ZFYVE21: variants seen among roughly 807,000 people sequenced by gnomAD.
ZFYVE21 encodes the protein zinc finger FYVE-type containing 21, also known as zinc finger FYVE domain-containing protein 21.
ZFYVE21 carries 21 observed loss-of-function variants against 29.5 expected under a neutral mutation model. The ratio of observed to expected loss-of-function variants is 0.71; its 90% CI spans 0.50 to 1.02. The LOEUF is 1.02. ZFYVE21 is among the 50% of genes least tolerant of loss of function. ZFYVE21 has a pLI of 0.00. For synonymous variants in ZFYVE21, 151 were observed against 133.8 expected (o/e 1.13, Z -0.89); for missense variants, 326 against 335.4 (o/e 0.97, Z 0.22).
chr14:103,732,536 G>T, intron 5 of ZFYVE21, 84 bp from the exon 6 acceptor site: 1 of 1,479,404 alleles, frequency 6.8e-7, no homozygotes, highest in South Asian at 1.4e-5. Context: ...AGGTTAGGAT[G>T]TGCTGGCCAC....
chr14:103,729,447 C>T (rs2083955849), intron 5 of ZFYVE21: 1 of 571,632 alleles, frequency 1.7e-6, no homozygotes, highest in African/African-American at 1.9e-5. Context: ...GCTCTAAATG[C>T]TCTAACGTAT....
chr14:103,733,261 G>T lies in ZFYVE21; in HGVS notation c.*243G>T. The stretch of plus-strand genomic sequence containing the variant: ...TATTGTCAATACTTAATTGGGGGTG[G>T]GAGAGACTGAGCTACACTACTGCTA... On this transcript the variant is annotated 3_prime_UTR_variant, in exon 7 of 7. Transcript: ENST00000311141. 1.9e-6 allele frequency: 1 copy of T among 531,404 alleles called. No individual in the cohort carries two copies. Among genetic ancestry groups the T allele is most frequent in the Non-Finnish European group, 3.3e-6 (1 of 299,960 alleles). 32.9% of individuals were successfully genotyped at this position (531,404 alleles called of 1,614,324 possible).
chr14:103,720,893 G>A (rs1275412634), intron 1 of ZFYVE21, among the ~76,000 whole-genome samples: 1 of 152,178 alleles, frequency 6.6e-6, no homozygotes, highest in African/African-American at 2.4e-5. Context: ...CGCGATCTCG[G>A]CTCACTTCAG....
intron 1 of ZFYVE21, among the ~76,000 whole-genome samples, chr14:103,718,143 G>A (rs1300517659): frequency 6.6e-6 from 1 of 152,216 alleles, no homozygotes; most frequent in Non-Finnish European, 1.5e-5. Flanking sequence ...GGTTTGGAAT[G>A]GGGAGAGGAG....
At chr14:103,727,966 G>C (rs747870460) in intron 3 of ZFYVE21, 52 bp downstream of exon 3, 1 of 1,553,528 alleles carries the variant, frequency 6.4e-7, no homozygotes, top group Non-Finnish European at 8.8e-7. Flanking sequence ...CCGGCTCCTC[G>C]TGTCTGTGGC....
At chr14:103,721,197 A>G (rs527376155) in intron 1 of ZFYVE21, among the ~76,000 whole-genome samples, 1 of 151,954 alleles carries the variant, frequency 6.6e-6, no homozygotes, top group African/African-American at 2.4e-5. Flanking sequence ...ATCTGCCTTG[A>G]CCGCCTCCGA....
chr14:103,715,862 G>A lies in ZFYVE21; in HGVS notation c.21G>A (p.Ala7=). The A allele has an allele frequency of 7.0e-7, 1 of 1,425,252 alleles. No individual in the cohort carries two copies. The highest frequency in any genetic ancestry group is 9.2e-7 in the Non-Finnish European group (1 of 1,084,728). 88.3% of individuals were successfully genotyped at this position (1,425,252 alleles called of 1,614,324 possible). A position where few individuals can be genotyped will look rare whatever the true frequency, so the allele number is the denominator to read the frequency against. ...GCGTCATGTCCTCCGAGGTGTCCGC[G>A]CGCCGCGACGCCAAGAAGCTGGTGC... MSSEVS[A]RRDAKKLVRS... The change falls in exon 1 of 7, where the codon GCG becomes GCA. Residue 7 remains alanine (A), a synonymous_variant. Coordinates refer to ENST00000311141, the MANE Select transcript of ZFYVE21 (RefSeq NM_024071.4).
At chr14:103,728,087 T>C in intron 3 of ZFYVE21, 173 bp downstream of exon 3, 2 of 672,634 alleles carry the variant, frequency 3.0e-6, no homozygotes, top group Non-Finnish European at 4.7e-6. Context: ...AGCCTTCCCT[T>C]CTTTTCAGAG....
chr14:103,727,937 G>C (rs1440686193), intron 3 of ZFYVE21, 23 bp downstream of exon 3: 1 of 1,585,012 alleles, frequency 6.3e-7, no homozygotes, highest in Non-Finnish European at 8.6e-7. Context: ...GTCCTGCACA[G>C]TCCCGCGCGC....
intron 1 of ZFYVE21, among the ~76,000 whole-genome samples, chr14:103,719,716 G>A (rs2083857944): frequency 6.6e-6 from 1 of 152,070 alleles, no homozygotes; most frequent in Non-Finnish European, 1.5e-5. Context: ...CCTGTGAGGT[G>A]CCAGGGGCTG....
At chr14:103,728,304 TC>T (rs2083947351) in intron 3 of ZFYVE21, among the ~76,000 whole-genome samples, 1 of 152,202 alleles carries the variant, frequency 6.6e-6, no homozygotes, top group Non-Finnish European at 1.5e-5. Flanking sequence ...TTGAGCCATC[TC>T]TGGGGACCTG....
At chr14:103,728,316 G>A (rs969121861) in intron 3 of ZFYVE21, among the ~76,000 whole-genome samples, 2 of 152,214 alleles carry the variant, frequency 1.3e-5, no homozygotes, top group Non-Finnish European at 1.5e-5. Flanking sequence ...TGGGGACCTG[G>A]TGTGGGAGAA....
chr14:103,715,897 G>C lies in ZFYVE21; in HGVS notation c.56G>C (p.Ser19Thr). The C allele has an allele frequency of 1.4e-6, 2 of 1,439,902 alleles. No homozygotes were observed. Among genetic ancestry groups the C allele is most frequent in the Non-Finnish European group, 9.2e-7 (1 of 1,090,354 alleles). 89.2% of individuals were successfully genotyped at this position (1,439,902 alleles called of 1,614,324 possible). Residue 19 changes from serine to threonine, a missense_variant, in exon 1 of 7, where the codon AGC becomes ACC. Transcript: ENST00000311141. ...RDAKKLVRSP[S>T]GLRMVPEHRA... ...GCCAAGAAGCTGGTGCGCTCCCCGAGCGGCCTGCGCATGGTGCCCGAACAC... is the reference window on the plus strand; with the variant it reads ...GCCAAGAAGCTGGTGCGCTCCCCGACCGGCCTGCGCATGGTGCCCGAACAC...
In ZFYVE21 at chr14:103,729,199, C is replaced by T; in HGVS notation, c.526+17C>T. 6.2e-7 allele frequency: 1 copy of T among 1,613,692 alleles called. No homozygotes were observed. The highest frequency in any genetic ancestry group is 1.3e-5 in the African/African-American group (1 of 75,006). On this transcript the variant is annotated intron_variant, in intron 5 of 6. Coordinates refer to ENST00000311141, the MANE Select transcript of ZFYVE21 (RefSeq NM_024071.4). ...CTCCTGGAGGTAAATGCCAGCACGTCCTTTCCTAAGCCAGGAGGGTTTGGT... is the reference window on the plus strand; with the variant it reads ...CTCCTGGAGGTAAATGCCAGCACGTTCTTTCCTAAGCCAGGAGGGTTTGGT...
chr14:103,721,057 C>G (rs2151950861), intron 1 of ZFYVE21, among the ~76,000 whole-genome samples: 1 of 152,190 alleles, frequency 6.6e-6, no homozygotes, highest in Non-Finnish European at 1.5e-5. Context: ...AACTCCTGAG[C>G]TCCAGCAGTC....
chr14:103,726,984 C>T (rs1464720203), intron 2 of ZFYVE21, 142 bp downstream of exon 2: 30 of 760,452 alleles, frequency 3.9e-5, no homozygotes, highest in Non-Finnish European at 5.5e-5. Flanking sequence ...TCGCTCTTGT[C>T]GCCCAGGCTG....
intron 3 of ZFYVE21, 196 bp downstream of exon 3, chr14:103,728,110 CT>C: frequency 1.7e-6 from 1 of 603,008 alleles, no homozygotes; most frequent in Non-Finnish European, 2.7e-6. Flanking sequence ...GGAATGTCGT[CT>C]AAAATGTTGG....
rs984354961 is a variant in ZFYVE21 at position 103,733,635 on chromosome 14, A to C, written c.*617A>C. On this transcript the variant is annotated 3_prime_UTR_variant, in exon 7 of 7. Coordinates refer to ENST00000311141, the MANE Select transcript of ZFYVE21 (RefSeq NM_024071.4). Reference sequence around the variant, plus strand: ...TGACTGTACAGCAATTTGTATATAAAGCTTATGATTAAAAACTATTTTGAA... The same window carrying C: ...TGACTGTACAGCAATTTGTATATAACGCTTATGATTAAAAACTATTTTGAA... The C allele has an allele frequency of 6.5e-6, 1 of 152,748 alleles. No individual in the cohort carries two copies. The highest frequency in any genetic ancestry group is 2.4e-5 in the African/African-American group (1 of 41,464). The allele number at this position is 152,748 out of a possible 1,614,324, so 9.5% of individuals were successfully genotyped here. A position where few individuals can be genotyped will look rare whatever the true frequency, so the allele number is the denominator to read the frequency against.
chr14:103,729,812 C>A, intron 5 of ZFYVE21: 1 of 1,536,342 alleles, frequency 6.5e-7, no homozygotes, highest in Non-Finnish European at 8.7e-7. Context: ...TTCACGCTTA[C>A]ACCAGCCTCC....
Sources: gnomAD v4.1 joint callset for allele counts (sites outside exome capture counted in the v4.1 genomes callset) on GRCh38, gnomAD v4.1.1 for gene constraint, MANE v1.5 for transcripts, NCBI Gene and HGNC (gene_info 2026-07-23, HGNC 2026-07-21) for gene names.